PMEPA1: variants seen among roughly 807,000 people sequenced by gnomAD.
PMEPA1 encodes protein TMEPAI.
A neutral mutation model predicts 23.0 loss-of-function variants in PMEPA1; 11 were observed. The ratio of observed to expected loss-of-function variants is 0.48; its 90% CI spans 0.30 to 0.79. PMEPA1 has a LOEUF of 0.79. Among genes scored for constraint, PMEPA1 ranks in the 30% least tolerant of loss-of-function variants. The pLI is 0.06. For missense variants in PMEPA1, 377 were observed against 390.9 expected (o/e 0.96, Z 0.30); for synonymous variants, 204 against 166.4 (o/e 1.23, Z -1.74).
chr20:57,662,881 C>G (rs748850171), intron 1 of PMEPA1, among the ~76,000 whole-genome samples: 1 of 152,216 alleles, frequency 6.6e-6, no homozygotes, highest in East Asian at 1.9e-4. Context: ...AGGACCCAGA[C>G]AGCAGTGAGA....
chr20:57,686,455 C>G (rs980772633), intron 1 of PMEPA1, among the ~76,000 whole-genome samples: 1 of 152,172 alleles, frequency 6.6e-6, no homozygotes, highest in African/African-American at 2.4e-5. Flanking sequence ...TTGTAAAGCC[C>G]AGACGCTGGA....
At chr20:57,698,067 C>T (rs139784392) in intron 1 of PMEPA1, among the ~76,000 whole-genome samples, 1 of 152,152 alleles carries the variant, frequency 6.6e-6, no homozygotes, top group Non-Finnish European at 1.5e-5. Context: ...GCATCTGTGG[C>T]TTATGACTTG....
intron 1 of PMEPA1, among the ~76,000 whole-genome samples, chr20:57,679,974 G>C (rs1374986679): frequency 6.6e-6 from 1 of 152,202 alleles, no homozygotes; most frequent in South Asian, 2.1e-4. Flanking sequence ...CAGTTCCTTG[G>C]GTACAGGCTG....
intron 1 of PMEPA1, among the ~76,000 whole-genome samples, chr20:57,671,811 G>A (rs1304458720): frequency 6.6e-6 from 1 of 152,214 alleles, no homozygotes; most frequent in Non-Finnish European, 1.5e-5. Flanking sequence ...ACCCACTAGA[G>A]GCTAGAAGCA....
chr20:57,659,772 G>A, intron 1 of PMEPA1, 75 bp from the exon 2 acceptor site: 1 of 1,414,134 alleles, frequency 7.1e-7, no homozygotes, highest in Non-Finnish European at 9.6e-7. Context: ...GCCCTTTTGA[G>A]CTTTTTCACC....
chr20:57,667,095 C>T (rs533056509), intron 1 of PMEPA1, among the ~76,000 whole-genome samples: 3 of 152,216 alleles, frequency 2.0e-5, no homozygotes, highest in Non-Finnish European at 4.4e-5. Flanking sequence ...AAGATGGTGG[C>T]TCCCACCTCC....
chr20:57,709,293 G>A (rs1395756062), intron 1 of PMEPA1, among the ~76,000 whole-genome samples, 181 bp downstream of exon 1: 1 of 146,650 alleles, frequency 6.8e-6, no homozygotes, highest in Non-Finnish European at 1.5e-5. Context: ...GGACAAAGCC[G>A]GGCCGGCCGC....
intron 1 of PMEPA1, among the ~76,000 whole-genome samples, chr20:57,696,016 A>C (rs1421722044): frequency 1.3e-5 from 2 of 152,164 alleles, no homozygotes; most frequent in Non-Finnish European, 2.9e-5. Flanking sequence ...TGGGGAGCTC[A>C]GATCCTGCCC....
chr20:57,666,711 G>C (rs139365767), intron 1 of PMEPA1, among the ~76,000 whole-genome samples: 5 of 152,200 alleles, frequency 3.3e-5, no homozygotes, highest in African/African-American at 4.8e-5. Context: ...CTGAGCCAGC[G>C]CAGAGCAAAA....
chr20:57,675,693 G>A (rs10211749), intron 1 of PMEPA1, among the ~76,000 whole-genome samples: 1,835 of 152,334 alleles, frequency 0.012, 44 homozygotes, highest in African/African-American at 0.042. Flanking sequence ...TGGGAAGGGC[G>A]ACCTCGCTAG....
At chr20:57,689,898 C>T (rs1430237000) in intron 1 of PMEPA1, among the ~76,000 whole-genome samples, 2 of 152,162 alleles carry the variant, frequency 1.3e-5, no homozygotes, top group South Asian at 2.1e-4. Flanking sequence ...GACACAGACA[C>T]GGCGCTGCTG....
chr20:57,709,126 T>C (rs1026047774), intron 1 of PMEPA1, among the ~76,000 whole-genome samples: 2 of 151,826 alleles, frequency 1.3e-5, no homozygotes, highest in East Asian at 3.9e-4. Flanking sequence ...CCGGCCTAAA[T>C]GCTCCATCGC....
intron 1 of PMEPA1, among the ~76,000 whole-genome samples, chr20:57,701,583 G>A (rs990705376): frequency 6.6e-6 from 1 of 152,068 alleles, no homozygotes; most frequent in African/African-American, 2.4e-5. Flanking sequence ...TATGAAACTC[G>A]GGCACAGTTT....
At chr20:57,711,346 T>G (rs765789879), upstream of PMEPA1, 2 of 152,244 alleles carry the variant, frequency 1.3e-5, no homozygotes, top group Non-Finnish European at 2.9e-5. Flanking sequence ...GAATTCATCC[T>G]GAAGAACTCA....
chr20:57,704,712 A>G lies in PMEPA1; in HGVS notation c.109+4762T>C, dbSNP rs1234137131. ...CCAAACATTTTCTGGCTTTTAAACT[A>G]TTGACCGGACTATAAACGTTTAAAC... is the stretch of plus-strand genomic sequence containing the variant. On this transcript the variant is annotated intron_variant, in intron 1 of 3. Coordinates refer to ENST00000341744, the MANE Select transcript of PMEPA1 (RefSeq NM_020182.5). This position sits in a 1 kb window ranked among gnomAD's most constrained non-coding sequence, Gnocchi z 4.6. Among the ~76,000 whole-genome samples, 1 of 152,156 alleles carries G rather than the reference A, an allele frequency of 6.6e-6. No individual in the cohort carries two copies. The highest frequency in any genetic ancestry group is 1.5e-5 in the Non-Finnish European group (1 of 68,030).
At chr20:57,672,684 G>A (rs1600644659) in intron 1 of PMEPA1, among the ~76,000 whole-genome samples, 3 of 152,324 alleles carry the variant, frequency 2.0e-5, no homozygotes, top group South Asian at 2.1e-4. Context: ...GATGGGCAAG[G>A]TCAGGCGTCA....
chr20:57,708,532 A>C (rs1258082039), intron 1 of PMEPA1, among the ~76,000 whole-genome samples: 1 of 152,120 alleles, frequency 6.6e-6, no homozygotes, highest in Non-Finnish European at 1.5e-5. Context: ...CCCACTCCCC[A>C]CCGTTGGTCC....
intron 1 of PMEPA1, among the ~76,000 whole-genome samples, chr20:57,671,106 T>A (rs959418130): frequency 1.3e-5 from 2 of 152,256 alleles, no homozygotes; most frequent in African/African-American, 4.8e-5. Context: ...GTGCCTTTTA[T>A]CCTTCTTGCT....
rs575020569 is a variant in PMEPA1 at position 57,679,121 on chromosome 20, G to A, written c.110-19424C>T. On this transcript the variant is annotated intron_variant, in intron 1 of 3. Transcript: ENST00000341744. ...TTTGTGATAATGAGCACCTAGGAGC[G>A]GGGACCTCCTTAAATGATCTGGTTA... is the stretch of plus-strand genomic sequence containing the variant. 2.4e-3 allele frequency among the ~76,000 whole-genome samples: 359 copies of A among 152,296 alleles called. 1 individual carries two copies. Among genetic ancestry groups the A allele is most frequent in the Non-Finnish European group, 3.7e-3 (249 of 68,022 alleles).
Sources: gnomAD v4.1 joint callset for allele counts (sites outside exome capture counted in the v4.1 genomes callset) on GRCh38, gnomAD v4.1.1 for gene constraint, Gnocchi (gnomAD v3.1) non-coding constraint, MANE v1.5 for transcripts, NCBI Gene and HGNC (gene_info 2026-07-23, HGNC 2026-07-21) for gene names.